Variants in ACOT7 observed in about 807,000 individuals in gnomAD.
The protein encoded by ACOT7 is acyl-CoA thioesterase 7.
Under a neutral mutation model 40.2 loss-of-function variants are expected in ACOT7, and 12 were observed. The ratio of observed to expected loss-of-function variants is 0.30; its 90% confidence interval spans 0.19 to 0.48. The LOEUF is 0.48. Ranked by LOEUF, ACOT7 falls within the 20% of genes least tolerant of loss-of-function variation. ACOT7 has a pLI of 0.99. For synonymous variants in ACOT7, 228 were observed against 219.5 expected (o/e 1.04, Z -0.34); for missense variants, 395 against 530.8 (o/e 0.74, Z 2.51).
At chr1:6,332,465 C>T (rs1571315741) in intron 4 of ACOT7, among the ~76,000 whole-genome samples, 1 of 152,222 alleles carries the variant, frequency 6.6e-6, no homozygotes. Flanking sequence ...CCACAGGCTT[C>T]GCCCACAGGC....
intron 8 of ACOT7, among the ~76,000 whole-genome samples, chr1:6,266,182 T>C (rs1353363283): frequency 6.6e-6 from 1 of 152,242 alleles, no homozygotes; most frequent in Non-Finnish European, 1.5e-5. Context: ...CTGGCTGACT[T>C]TTAAAAATAA....
At chr1:6,343,681 A>AG (rs1440509763) in intron 2 of ACOT7, among the ~76,000 whole-genome samples, 1 of 152,288 alleles carries the variant, frequency 6.6e-6, no homozygotes, top group Non-Finnish European at 1.5e-5. Flanking sequence ...GCCTCTGGGC[A>AG]GGGCAATGCC....
intron 8 of ACOT7, among the ~76,000 whole-genome samples, chr1:6,279,212 C>T (rs556560341): frequency 6.6e-6 from 1 of 152,332 alleles, no homozygotes; most frequent in African/African-American, 2.4e-5. Context: ...AGGCTGGAGC[C>T]TCATAGCAGG....
At chr1:6,361,939 C>G (rs1256109286) in intron 1 of ACOT7, among the ~76,000 whole-genome samples, 1 of 152,178 alleles carries the variant, frequency 6.6e-6, no homozygotes, top group South Asian at 2.1e-4. Flanking sequence ...AAAGGCACTC[C>G]CAAAATCTAA....
At chr1:6,367,827 C>T (rs1642047500) in intron 1 of ACOT7, among the ~76,000 whole-genome samples, 1 of 152,202 alleles carries the variant, frequency 6.6e-6, no homozygotes, top group African/African-American at 2.4e-5. Flanking sequence ...TTCAGCCTCA[C>T]CATTTGGCAG....
intron 5 of ACOT7, among the ~76,000 whole-genome samples, chr1:6,323,118 A>C (rs1415662511): frequency 6.6e-6 from 1 of 152,104 alleles, no homozygotes; most frequent in Admixed American, 6.5e-5. Context: ...CAACAAGAGC[A>C]AAACGCCGTC....
At position 6,274,826 on chromosome 1, in the gene ACOT7, G is replaced by A. The variant is rs933991230; in HGVS notation, c.1014+6276C>T. 6.6e-6 allele frequency among the ~76,000 whole-genome samples: 1 copy of A among 152,188 alleles called. No individual in the cohort carries two copies. The highest frequency in any genetic ancestry group is 2.4e-5 in the African/African-American group (1 of 41,444). ...GGGCTGAGCGCGGTGTGGGTGGGCG[G>A]CGCAGTGCAGGTGGGCAGCGCGTTG... On this transcript the variant is annotated intron_variant, in intron 8 of 8. Coordinates refer to ENST00000361521, the MANE Select transcript of ACOT7 (RefSeq NM_007274.4). The surrounding 1 kb of genome is among the most constrained non-coding windows in gnomAD (Gnocchi z 5.9).
chr1:6,276,763 C>T (rs1376518522), intron 8 of ACOT7, among the ~76,000 whole-genome samples: 1 of 152,276 alleles, frequency 6.6e-6, no homozygotes, highest in East Asian at 1.9e-4. Context: ...CAGCCTGCCC[C>T]GCCAGTGGCT....
chr1:6,363,882 G>C (rs1641945639), intron 1 of ACOT7, among the ~76,000 whole-genome samples: 1 of 152,072 alleles, frequency 6.6e-6, no homozygotes, highest in African/African-American at 2.4e-5. Flanking sequence ...TCCCCACATG[G>C]GGAGAAAAGC....
At chr1:6,268,684 C>T (rs1638926390) in intron 8 of ACOT7, among the ~76,000 whole-genome samples, 1 of 152,244 alleles carries the variant, frequency 6.6e-6, no homozygotes, top group Non-Finnish European at 1.5e-5. Context: ...GCGGCACGGC[C>T]CGAACGGCAG....
rs566811698 is a variant in ACOT7 at position 6,359,184 on chromosome 1, C to G, written c.144-9318G>C. ...GCCTCAGGGAAGCGGCTATGAGGCT[C>G]TGCCTTCTCTGACAGGGCACAAGAC... On this transcript the variant is annotated intron_variant, in intron 1 of 8. Coordinates refer to ENST00000361521, the MANE Select transcript of ACOT7 (RefSeq NM_007274.4). This position sits in a 1 kb window ranked among gnomAD's most constrained non-coding sequence, Gnocchi z 4.1. 4.1e-4 allele frequency: 96 copies of G among 236,690 alleles called. No homozygotes were observed. Among genetic ancestry groups the G allele is most frequent in the Non-Finnish European group, 7.0e-4 (84 of 119,546 alleles). 14.7% of individuals were successfully genotyped at this position (236,690 alleles called of 1,614,324 possible).
intron 4 of ACOT7, among the ~76,000 whole-genome samples, chr1:6,332,830 AAAAAAAAC>A (rs1173860047): frequency 1.4e-5 from 2 of 138,580 alleles, no homozygotes; most frequent in African/African-American, 6.8e-5. Flanking sequence ...CAAAAAAACA[AAAAAAAAC>A]AAAAAAAACA....
rs144012939 is a variant in ACOT7, at chr1:6,378,918, C to T, written c.143+14339G>A. On this transcript the variant is annotated intron_variant, in intron 1 of 8. Coordinates refer to ENST00000361521, the MANE Select transcript of ACOT7 (RefSeq NM_007274.4). The stretch of plus-strand genomic sequence containing the variant: ...CAAGGACTTTTTTTTTTCTTTGAGA[C>T]GGAGTCTTGCTCTGTTGCCCAGGCT... Among the ~76,000 whole-genome samples, 697 of 151,416 alleles carry T rather than the reference C, an allele frequency of 4.6e-3. 16 individuals carry two copies. Among genetic ancestry groups the T allele is most frequent in the Middle Eastern group, 0.01 (3 of 290 alleles).
chr1:6,327,518 T>C lies in ACOT7; in HGVS notation c.511-105A>G. On this transcript the variant is annotated intron_variant, in intron 4 of 8. Coordinates refer to ENST00000361521, the MANE Select transcript of ACOT7 (RefSeq NM_007274.4). ...TTATAGCCTTGTGTAACTGGGACTA[T>C]TTTTTCTTCTGTTCATGTGTGTTTT... 4 of 899,362 alleles carry C rather than the reference T, an allele frequency of 4.4e-6. 1 individual carries two copies. Among genetic ancestry groups the C allele is most frequent in the South Asian group, 3.0e-5 (2 of 65,612 alleles). The allele number at this position is 899,362 out of a possible 1,614,324, so 55.7% of individuals were successfully genotyped here. A position where few individuals can be genotyped will look rare whatever the true frequency, so the allele number is the denominator to read the frequency against.
chr1:6,309,263 G>C (rs1407531276), intron 6 of ACOT7, among the ~76,000 whole-genome samples: 1 of 152,220 alleles, frequency 6.6e-6, no homozygotes, highest in Non-Finnish European at 1.5e-5. Flanking sequence ...GGACGGGACA[G>C]CGGAACAAGC....
intron 8 of ACOT7, among the ~76,000 whole-genome samples, chr1:6,277,586 C>T (rs1255614121): frequency 6.6e-6 from 1 of 152,266 alleles, no homozygotes; most frequent in Non-Finnish European, 1.5e-5. Flanking sequence ...CCCAAGCTCC[C>T]CCGTTACAGA....
chr1:6,306,109 G>A lies in ACOT7; in HGVS notation c.713-11129C>T, dbSNP rs904747145. ...CAGGCTGAGGCAGGAGAATCAGGCA[G>A]GGAGGTTGCAGTGAGCCAAGATGGC... On this transcript the variant is annotated intron_variant, in intron 6 of 8. Coordinates refer to ENST00000361521, the MANE Select transcript of ACOT7 (RefSeq NM_007274.4). This position sits in a 1 kb window ranked among gnomAD's most constrained non-coding sequence, Gnocchi z 4.3. 2.5e-6 allele frequency: 1 copy of A among 401,352 alleles called. No individual in the cohort carries two copies. The highest frequency in any genetic ancestry group is 2.2e-5 in the African/African-American group (1 of 44,610). 24.9% of individuals were successfully genotyped at this position (401,352 alleles called of 1,614,324 possible).
At chr1:6,285,837 C>T (rs1439198771) in intron 7 of ACOT7, among the ~76,000 whole-genome samples, 1 of 152,214 alleles carries the variant, frequency 6.6e-6, no homozygotes, top group African/African-American at 2.4e-5. Context: ...TTGATTCAGC[C>T]CTCCCGCCAG....
chr1:6,313,460 C>T (rs1047106564), intron 6 of ACOT7, among the ~76,000 whole-genome samples: 4 of 152,228 alleles, frequency 2.6e-5, no homozygotes, highest in Non-Finnish European at 5.9e-5. Flanking sequence ...TGCTCAGCCA[C>T]AAGTCTTTTC....
Sources: gnomAD v4.1 joint callset for allele counts (sites outside exome capture counted in the v4.1 genomes callset) on GRCh38, gnomAD v4.1.1 for gene constraint, Gnocchi (gnomAD v3.1) non-coding constraint, MANE v1.5 for transcripts, NCBI Gene and HGNC (gene_info 2026-07-23, HGNC 2026-07-21) for gene names.